The following ZNF26 variants were observed in gnomAD, a reference collection of about 807,000 sequenced individuals.
ZNF26 encodes epididymis luminal protein 179.
Under a neutral mutation model 54.9 loss-of-function variants are expected in ZNF26, and 32 were observed. The ratio of observed to expected loss-of-function variants is 0.58; its 90% confidence interval spans 0.44 to 0.78. The LOEUF (loss-of-function observed/expected upper bound fraction) is 0.78. Ranked by LOEUF, ZNF26 falls within the 30% of genes least tolerant of loss-of-function variation. The probability of loss-of-function intolerance (pLI) is 0.00; values close to 1 mark genes in which losing one functional copy is unlikely to be tolerated. For missense variants in ZNF26, 524 were observed against 634.0 expected (o/e 0.83, Z 1.86); for synonymous variants, 221 against 209.2 (o/e 1.06, Z -0.49).
At chr12:132,997,774 T>G (rs1953121247) in intron 1 of ZNF26, among the ~76,000 whole-genome samples, 1 of 152,170 alleles carries the variant, frequency 6.6e-6, no homozygotes, top group Non-Finnish European at 1.5e-5. Context: ...ATAATAGAAA[T>G]AGAATGCACA....
chr12:132,987,085 A>G (rs1384595015), intron 1 of ZNF26, among the ~76,000 whole-genome samples: 1 of 152,150 alleles, frequency 6.6e-6, no homozygotes, highest in Non-Finnish European at 1.5e-5. Flanking sequence ...TGTGACGGGC[A>G]GTTATACTGC....
intron 1 of ZNF26, among the ~76,000 whole-genome samples, chr12:133,002,918 C>G (rs1409062574): frequency 1.3e-5 from 2 of 152,062 alleles, no homozygotes; most frequent in Non-Finnish European, 2.9e-5. Flanking sequence ...ATCACCATGC[C>G]CAGCCTGGAT....
chr12:133,006,831 G>A, intron 1 of ZNF26: 2 of 542,632 alleles, frequency 3.7e-6, no homozygotes, highest in Non-Finnish European at 6.6e-6. Context: ...CTGCCCTTGT[G>A]ATCCACCCGC....
At chr12:133,003,162 T>G (rs2137242430) in intron 1 of ZNF26, among the ~76,000 whole-genome samples, 1 of 152,320 alleles carries the variant, frequency 6.6e-6, no homozygotes, top group South Asian at 2.1e-4. Flanking sequence ...GGGAGAGCTT[T>G]TGCTCACGGA....
In ZNF26 at chr12:133,023,869, G is replaced by A. The variant is rs2137287470; in HGVS notation, c.*12388G>A. ...CATGTAAGCAGTCCTTGAAGCTGCA[G>A]TACTAGGAGGAAATCTCAAATAATC... On this transcript the variant is annotated 3_prime_UTR_variant, in exon 4 of 4. Transcript: ENST00000328654. 6.6e-6 allele frequency: 1 copy of A among 152,362 alleles called. No individual in the cohort carries two copies. The highest frequency in any genetic ancestry group is 2.1e-4 in the South Asian group (1 of 4,828). The allele number at this position is 152,362 out of a possible 1,614,324, so 9.4% of individuals were successfully genotyped here.
At chr12:132,999,278 A>G (rs1476133735) in intron 1 of ZNF26, among the ~76,000 whole-genome samples, 2 of 152,042 alleles carry the variant, frequency 1.3e-5, no homozygotes, top group Non-Finnish European at 2.9e-5. Flanking sequence ...TTTGAGATGG[A>G]GTTTTGCTCT....
intron 1 of ZNF26, among the ~76,000 whole-genome samples, chr12:132,988,623 T>C (rs1164629346): frequency 6.6e-6 from 1 of 152,276 alleles, no homozygotes; most frequent in African/African-American, 2.4e-5. Flanking sequence ...TCTAAGTCTT[T>C]TGTCTGTCTG....
At chr12:132,992,763 T>C (rs1408899364) in intron 1 of ZNF26, among the ~76,000 whole-genome samples, 4 of 152,218 alleles carry the variant, frequency 2.6e-5, no homozygotes, top group Non-Finnish European at 5.9e-5. Flanking sequence ...CAAACCACTG[T>C]GCGTCAGGCA....
In ZNF26 at chr12:133,025,779, T is replaced by G. The variant is rs1953695680; in HGVS notation, c.*14298T>G. The G allele has an allele frequency of 6.6e-6, 1 of 152,142 alleles. No individual in the cohort carries two copies. The allele number at this position is 152,142 out of a possible 1,614,324, so 9.4% of individuals were successfully genotyped here. On this transcript the variant is annotated 3_prime_UTR_variant, in exon 4 of 4. Transcript: ENST00000328654. The stretch of plus-strand genomic sequence containing the variant: ...AAACACAGTGAGACCCCGTTTCTAT[T>G]TAAGAAAGAAAAAAAAGAATGCAGC...
intron 1 of ZNF26, among the ~76,000 whole-genome samples, chr12:133,002,276 G>A (rs1953235053): frequency 6.6e-6 from 1 of 152,120 alleles, no homozygotes; most frequent in South Asian, 2.1e-4. Context: ...ATCAGGTTGT[G>A]TTCTGGCTCT....
At position 133,009,050 on chromosome 12, in the gene ZNF26, G is replaced by A. The variant is rs376074246; in HGVS notation, c.257-1086G>A. On this transcript the variant is annotated intron_variant, in intron 3 of 3. Transcript: ENST00000328654. The stretch of plus-strand genomic sequence containing the variant: ...TCGTGAAGACTGCACCAAGCCATGA[G>A]GGATCTGCCCCCATAATCCAGATGC... 4.1e-4 allele frequency among the ~76,000 whole-genome samples: 63 copies of A among 152,218 alleles called. No homozygotes were observed. In the East Asian group the frequency reaches 8.9e-3, roughly 22 times the overall value.
Position 133,024,157 on chromosome 12 carries a change from T to C in ZNF26, c.*12676T>C, listed in dbSNP as rs4758901. ...AGAAATTTAGTGTTGGAAGTGGGGTTCTACTTACATGCATCACTGGCCTTG... is the reference window on the plus strand; with the variant it reads ...AGAAATTTAGTGTTGGAAGTGGGGTCCTACTTACATGCATCACTGGCCTTG... On this transcript the variant is annotated 3_prime_UTR_variant, in exon 4 of 4. Transcript: ENST00000328654. 140,035 of 152,268 alleles carry C rather than the reference T, an allele frequency of 0.92. 64,731 individuals are homozygous for C. The highest frequency in any genetic ancestry group is 1 in the East Asian group (5,183 of 5,190). 9.4% of individuals were successfully genotyped at this position (152,268 alleles called of 1,614,324 possible).
chr12:133,004,347 A>T (rs1181895142), intron 1 of ZNF26: 1 of 152,204 alleles, frequency 6.6e-6, no homozygotes, highest in Non-Finnish European at 1.5e-5. Context: ...CATCACACAC[A>T]TGCTTAAATT....
rs1270080597 is a variant in ZNF26 at position 133,024,908 on chromosome 12, G to A, written c.*13427G>A. 2.0e-5 allele frequency: 3 copies of A among 152,126 alleles called. No individual in the cohort carries two copies. Among genetic ancestry groups the A allele is most frequent in the Non-Finnish European group, 4.4e-5 (3 of 68,016 alleles). The allele number at this position is 152,126 out of a possible 1,614,324, so 9.4% of individuals were successfully genotyped here. On this transcript the variant is annotated 3_prime_UTR_variant, in exon 4 of 4. Coordinates refer to ENST00000328654, the MANE Select transcript of ZNF26 (RefSeq NM_019591.4). ...AATCCCACACGTTCTTAAAAACAGT[G>A]ATGCTAACTTTACAGATAAGGACAA...
At chr12:132,987,310 C>G (rs957152303) in intron 1 of ZNF26, among the ~76,000 whole-genome samples, 2 of 152,070 alleles carry the variant, frequency 1.3e-5, no homozygotes, top group African/African-American at 2.4e-5. Flanking sequence ...ATGTATGTTC[C>G]TAATTTTAGA....
intron 1 of ZNF26, chr12:133,005,742 T>A (rs1953311499): frequency 6.6e-6 from 1 of 152,364 alleles, no homozygotes. Flanking sequence ...GCATGCTGTC[T>A]GTCTCTCATC....
At chr12:132,987,707 A>G (rs2137202260) in intron 1 of ZNF26, 3 of 985,410 alleles carry the variant, frequency 3.0e-6, no homozygotes, top group Non-Finnish European at 3.6e-6. Context: ...ATACATAAAG[A>G]CACCTTATTG....
rs1296254315 is a variant in ZNF26 at position 133,016,686 on chromosome 12, CAGG to C, written c.*5210_*5212del. 6.6e-6 allele frequency: 1 copy of C among 151,196 alleles called. No individual in the cohort carries two copies. Among genetic ancestry groups the C allele is most frequent in the Admixed American group, 6.6e-5 (1 of 15,146 alleles). The allele number at this position is 151,196 out of a possible 1,614,324, so 9.4% of individuals were successfully genotyped here. ...GTCCCAGCTACTCTGGAGGCTGAGG[CAGG>C]AGGATTGCTTGAGCCCAGGAGGTTG... is the stretch of plus-strand genomic sequence containing the variant. On this transcript the variant is annotated 3_prime_UTR_variant, in exon 4 of 4. Transcript: ENST00000328654.
intron 2 of ZNF26, 100 bp downstream of exon 2, chr12:133,007,268 T>C: frequency 8.2e-6 from 12 of 1,466,830 alleles, no homozygotes; most frequent in Non-Finnish European, 1.1e-5. Context: ...TGCTTAATGA[T>C]TATGAACTTG....
Sources: gnomAD v4.1 joint callset for allele counts (sites outside exome capture counted in the v4.1 genomes callset) on GRCh38, gnomAD v4.1.1 for gene constraint, MANE v1.5 for transcripts, NCBI Gene and HGNC (gene_info 2026-07-23, HGNC 2026-07-21) for gene names.